PPP1R1C: variants seen among roughly 807,000 people sequenced by gnomAD.
PPP1R1C encodes protein phosphatase 1 regulatory inhibitor subunit 1C, also known as protein phosphatase 1 regulatory subunit 1C.
In PPP1R1C, 15 loss-of-function variants were observed where a neutral mutation model predicts 17.4. That is an observed-to-expected ratio of 0.86 (90% CI 0.58 to 1.33). The LOEUF (loss-of-function observed/expected upper bound fraction) is 1.33, where lower values mean the gene tolerates loss of function less well. Among genes scored for constraint, PPP1R1C ranks in the 40% most tolerant of loss-of-function variants. The pLI is 0.00. For missense variants in PPP1R1C, 143 were observed against 130.0 expected, an observed-to-expected ratio of 1.10 and a Z score of -0.48; for synonymous variants, 35 against 43.1, an observed-to-expected ratio of 0.81 and a Z score of 0.73.
In PPP1R1C at chr2:181,967,014, ACTT is replaced by A. The variant is rs1684916727; in HGVS notation, n.112-8200_112-8198del. On this transcript the variant is annotated intron_variant and non_coding_transcript_variant, in intron 1 of 5. Transcript: ENST00000464264. This position sits in a 1 kb window ranked among gnomAD's most constrained non-coding sequence, Gnocchi z 5.5. ...TATTATTGGTCTTTTCAGGTTTTAA[ACTT>A]CTTCAGTCTTGGTAGGTTGTAGGTG... Among the ~76,000 whole-genome samples the A allele has an allele frequency of 6.6e-6, 1 of 151,776 alleles. No homozygotes were observed.
At chr2:182,002,052 C>G (rs370493587) in intron 2 of PPP1R1C, among the ~76,000 whole-genome samples, 2 of 152,078 alleles carry the variant, frequency 1.3e-5, no homozygotes, top group African/African-American at 2.4e-5. Flanking sequence ...ACATGCGTAT[C>G]ATTGTGGACA....
chr2:182,068,688 G>T (rs1688060367), intron 4 of PPP1R1C, among the ~76,000 whole-genome samples: 1 of 152,108 alleles, frequency 6.6e-6, no homozygotes, highest in African/African-American at 2.4e-5. Flanking sequence ...TCCTGTAAGA[G>T]ATACTGATAT....
intron 2 of PPP1R1C, among the ~76,000 whole-genome samples, chr2:182,024,893 A>AAAC (rs1228434070): frequency 1.4e-5 from 2 of 141,510 alleles, no homozygotes; most frequent in Non-Finnish European, 3.2e-5. Flanking sequence ...AACAAACAAA[A>AAAC]ATACTAGCAA....
downstream of PPP1R1C, among the ~76,000 whole-genome samples, chr2:182,121,712 C>T (rs1689737557): frequency 6.6e-6 from 1 of 151,970 alleles, no homozygotes; most frequent in African/African-American, 2.4e-5. Context: ...CCATATTGTC[C>T]AGGATGGTCT....
intron 4 of PPP1R1C, among the ~76,000 whole-genome samples, chr2:182,066,309 C>T (rs895154543): frequency 6.6e-6 from 1 of 152,136 alleles, no homozygotes; most frequent in Non-Finnish European, 1.5e-5. Flanking sequence ...CAGATTGTTA[C>T]ATCGGCATGT....
chr2:182,124,327 G>GTTTTTT (rs1294464668), intron 5 of PPP1R1C, among the ~76,000 whole-genome samples: 12 of 83,004 alleles, frequency 1.4e-4, no homozygotes, highest in South Asian at 3.8e-4. Flanking sequence ...TTTTTTTTTT[G>GTTTTTT]TTTTTTTTTT....
intron 1 of PPP1R1C, among the ~76,000 whole-genome samples, chr2:181,987,433 A>G (rs1222949447): frequency 6.6e-6 from 1 of 152,174 alleles, no homozygotes; most frequent in African/African-American, 2.4e-5. Flanking sequence ...CCTGCTAGAA[A>G]TAGGTTTCCA....
At chr2:181,991,408 G>C (rs1288365430) in intron 2 of PPP1R1C, among the ~76,000 whole-genome samples, 1 of 152,080 alleles carries the variant, frequency 6.6e-6, no homozygotes, top group Admixed American at 6.5e-5. Context: ...TACTTAATCT[G>C]TTAAGGATAT....
intron 4 of PPP1R1C, among the ~76,000 whole-genome samples, chr2:182,065,605 C>T (rs1225178531): frequency 2.0e-5 from 3 of 152,080 alleles, no homozygotes; most frequent in Non-Finnish European, 4.4e-5. Context: ...CTTATAGTCT[C>T]AGCTACTTGG....
At chr2:182,125,931 AG>A (rs1417117260) in intron 5 of PPP1R1C, among the ~76,000 whole-genome samples, 1 of 151,956 alleles carries the variant, frequency 6.6e-6, no homozygotes, top group Non-Finnish European at 1.5e-5. Flanking sequence ...CTCTGCTATT[AG>A]TTGTTTCTTG....
intron 2 of PPP1R1C, among the ~76,000 whole-genome samples, chr2:182,031,174 T>G (rs1209859017): frequency 2.0e-5 from 3 of 152,236 alleles, no homozygotes; most frequent in Non-Finnish European, 4.4e-5. Flanking sequence ...ACCTGTCTTC[T>G]GCATAGCTCA....
At chr2:181,964,984 G>A (rs1684881397) in intron 1 of PPP1R1C, among the ~76,000 whole-genome samples, 2 of 152,206 alleles carry the variant, frequency 1.3e-5, no homozygotes, top group Non-Finnish European at 2.9e-5. Context: ...GGGATTACAG[G>A]CGTGAGCCAT....
At chr2:182,090,964 T>C (rs976857632) in intron 4 of PPP1R1C, among the ~76,000 whole-genome samples, 1 of 152,158 alleles carries the variant, frequency 6.6e-6, no homozygotes, top group Admixed American at 6.6e-5. Flanking sequence ...AAGTCCTACC[T>C]TCCTTTCCCA....
intron 2 of PPP1R1C, among the ~76,000 whole-genome samples, chr2:182,041,475 G>A (rs369726980): frequency 7.9e-5 from 12 of 151,990 alleles, no homozygotes; most frequent in Middle Eastern, 3.4e-3. Flanking sequence ...CAGTTGTGGC[G>A]GCAGCTGCCT....
At chr2:182,124,175 C>T (rs1162126333) in intron 5 of PPP1R1C, among the ~76,000 whole-genome samples, 1 of 152,010 alleles carries the variant, frequency 6.6e-6, no homozygotes, top group Non-Finnish European at 1.5e-5. Context: ...AGATGTGTGG[C>T]ATTATTTCTG....
intron 2 of PPP1R1C, among the ~76,000 whole-genome samples, chr2:181,999,088 ACGCAGC>A (rs1685691356): frequency 6.6e-6 from 1 of 152,236 alleles, no homozygotes; most frequent in African/African-American, 2.4e-5. Flanking sequence ...GATCTACAGT[ACGCAGC>A]CATCATTGGA....
At chr2:182,051,291 T>C (rs551041565) in intron 2 of PPP1R1C, among the ~76,000 whole-genome samples, 1 of 152,326 alleles carries the variant, frequency 6.6e-6, no homozygotes, top group Non-Finnish European at 1.5e-5. Context: ...TCTGTGGAAT[T>C]GTAGCCATCA....
chr2:182,118,914 TA>T (rs1379198030), downstream of PPP1R1C, among the ~76,000 whole-genome samples: 1 of 151,736 alleles, frequency 6.6e-6, no homozygotes, highest in Admixed American at 6.6e-5. Context: ...CTTTTTTTTT[TA>T]AATTATACTT....
chr2:181,961,351 C>T lies in PPP1R1C; in HGVS notation n.111+6717C>T, dbSNP rs1356255868. The T allele has an allele frequency of 2.8e-6, 2 of 717,110 alleles. No individual in the cohort carries two copies. Among genetic ancestry groups the T allele is most frequent in the African/African-American group, 1.7e-5 (1 of 58,192 alleles). The allele number at this position is 717,110 out of a possible 1,614,324, so 44.4% of individuals were successfully genotyped here. On this transcript the variant is annotated intron_variant and non_coding_transcript_variant, in intron 1 of 5. Transcript: ENST00000464264. This position sits in a 1 kb window ranked among gnomAD's most constrained non-coding sequence, Gnocchi z 5.8. Reference sequence around the variant, plus strand: ...ATCAAGCAGGCGGTGGTAGGTGGCGCTCTCAGCCTCCAGCTTGACCTTGAT... The same window carrying T: ...ATCAAGCAGGCGGTGGTAGGTGGCGTTCTCAGCCTCCAGCTTGACCTTGAT...
Sources: allele counts gnomAD v4.1 joint callset (sites outside exome capture counted in the v4.1 genomes callset), GRCh38; gene constraint gnomAD v4.1.1; non-coding constraint Gnocchi (gnomAD v3.1); transcripts MANE v1.5; gene names NCBI Gene and HGNC (gene_info 2026-07-23, HGNC 2026-07-21).